MAGI3: variants seen among roughly 807,000 people sequenced by gnomAD.
MAGI3 encodes the protein membrane-associated guanylate kinase, WW and PDZ domain-containing protein 3.
A neutral mutation model predicts 121.8 loss-of-function variants in MAGI3; 43 were observed. The ratio of observed to expected loss-of-function variants is 0.35; its 90% CI spans 0.28 to 0.46. MAGI3 has a LOEUF of 0.46. MAGI3 is among the 20% of genes least tolerant of loss of function. The probability of loss-of-function intolerance (pLI) is 1.00; values close to 1 mark genes in which losing one functional copy is unlikely to be tolerated. For missense variants in MAGI3, 1,547 were observed against 1,797.3 expected (o/e 0.86, Z 2.52); for synonymous variants, 553 against 639.3 (o/e 0.86, Z 2.04).
chr1:113,460,242 C>G (rs1428381336), intron 1 of MAGI3, among the ~76,000 whole-genome samples: 2 of 152,116 alleles, frequency 1.3e-5, no homozygotes, highest in Admixed American at 1.3e-4. Flanking sequence ...AAAAAACTCT[C>G]AATAAACTAG....
intron 1 of MAGI3, among the ~76,000 whole-genome samples, chr1:113,524,781 C>A (rs763638614): frequency 6.6e-6 from 1 of 152,014 alleles, no homozygotes; most frequent in Non-Finnish European, 1.5e-5. Context: ...TGTTAGAAGA[C>A]ATGATTGGTT....
intron 15 of MAGI3, among the ~76,000 whole-genome samples, chr1:113,654,282 G>A (rs1283711232): frequency 6.6e-6 from 1 of 152,188 alleles, no homozygotes; most frequent in Non-Finnish European, 1.5e-5. Flanking sequence ...ACTGAAGACA[G>A]TATGTCATAG....
intron 5 of MAGI3, 90 bp from the exon 6 acceptor site, chr1:113,594,391 C>CAT (rs3834733): frequency 0.74 from 692,195 of 941,218 alleles, 259,571 homozygotes; most frequent in African/African-American, 0.78. Flanking sequence ...GTTCAAACAT[C>CAT]ATGTCTTTTA....
chr1:113,628,641 G>A (rs561602085), intron 9 of MAGI3, among the ~76,000 whole-genome samples: 3 of 152,190 alleles, frequency 2.0e-5, no homozygotes, highest in East Asian at 3.9e-4. Context: ...TGTCTGGAAG[G>A]TCTTTATTTC....
chr1:113,612,872 A>G (rs940565966), intron 6 of MAGI3, among the ~76,000 whole-genome samples: 11 of 152,198 alleles, frequency 7.2e-5, no homozygotes, highest in Non-Finnish European at 1.2e-4. Flanking sequence ...TTTTTCAGAT[A>G]TCAAATGGAC....
chr1:113,415,002 A>T (rs1368923721), intron 1 of MAGI3, among the ~76,000 whole-genome samples: 3 of 152,072 alleles, frequency 2.0e-5, no homozygotes, highest in Non-Finnish European at 4.4e-5. Flanking sequence ...ATGAGATGAC[A>T]TTATTATCAT....
chr1:113,564,824 GTTAT>G lies in MAGI3; in HGVS notation c.433+15212_433+15215del, dbSNP rs961791147. Among the ~76,000 whole-genome samples, 40 of 151,944 alleles carry G rather than the reference GTTAT, an allele frequency of 2.6e-4. No homozygotes were observed. The Middle Eastern group carries it at 0.01, about 39-fold the overall frequency. ...TGAATTTTTCATACCTAAAATTGTA[GTTAT>G]TTATTTATTTATTTATTTTTGATTT... On this transcript the variant is annotated intron_variant, in intron 2 of 20. Coordinates refer to ENST00000307546, the MANE Select transcript of MAGI3 (RefSeq NM_001142782.2).
At chr1:113,669,650 C>G (rs1647404279) in intron 16 of MAGI3, among the ~76,000 whole-genome samples, 1 of 152,218 alleles carries the variant, frequency 6.6e-6, no homozygotes, top group Admixed American at 6.5e-5. Context: ...CTGCCTCAGC[C>G]TCCCAAGTAG....
chr1:113,464,704 A>G (rs1455036752), intron 1 of MAGI3, among the ~76,000 whole-genome samples: 1 of 152,100 alleles, frequency 6.6e-6, no homozygotes, highest in East Asian at 1.9e-4. Flanking sequence ...CTAGGGTGAG[A>G]TGGTATCTCA....
chr1:113,525,924 C>T (rs1658426919), intron 1 of MAGI3, among the ~76,000 whole-genome samples: 1 of 152,060 alleles, frequency 6.6e-6, no homozygotes, highest in Admixed American at 6.6e-5. Context: ...ATCGCTTGAA[C>T]TTGGGAGGCG....
intron 4 of MAGI3, among the ~76,000 whole-genome samples, chr1:113,589,627 G>A (rs576200808): frequency 6.6e-6 from 1 of 152,116 alleles, no homozygotes; most frequent in African/African-American, 2.4e-5. Flanking sequence ...ATAAAGAATG[G>A]TTGGAGTTGA....
chr1:113,488,285 A>G (rs1332784900), intron 1 of MAGI3, among the ~76,000 whole-genome samples: 1 of 152,240 alleles, frequency 6.6e-6, no homozygotes, highest in Non-Finnish European at 1.5e-5. Context: ...GTAGTGGTGC[A>G]TGGCCAGGGA....
intron 14 of MAGI3, among the ~76,000 whole-genome samples, chr1:113,653,052 G>A (rs1376036479): frequency 6.6e-6 from 1 of 152,174 alleles, no homozygotes; most frequent in Non-Finnish European, 1.5e-5. Flanking sequence ...TCAGGAAACT[G>A]CAGTTGCAAA....
At chr1:113,464,525 G>T (rs11102640) in intron 1 of MAGI3, among the ~76,000 whole-genome samples, 27,131 of 152,024 alleles carry the variant, frequency 0.18, 3,148 homozygotes, top group East Asian at 0.63. Context: ...GTAGTGGAAT[G>T]GCTTGATCAT....
chr1:113,508,498 G>C (rs1288752049), intron 1 of MAGI3, among the ~76,000 whole-genome samples: 1 of 152,182 alleles, frequency 6.6e-6, no homozygotes, highest in African/African-American at 2.4e-5. Flanking sequence ...AACTCACCTT[G>C]TGTAGTTGAA....
At chr1:113,452,880 C>A (rs999534049) in intron 1 of MAGI3, among the ~76,000 whole-genome samples, 2 of 152,094 alleles carry the variant, frequency 1.3e-5, no homozygotes, top group Non-Finnish European at 2.9e-5. Context: ...GAGGTTTTTT[C>A]TTCCTTCAGT....
chr1:113,496,064 C>G (rs887092454), intron 1 of MAGI3, among the ~76,000 whole-genome samples: 1 of 152,042 alleles, frequency 6.6e-6, no homozygotes, highest in African/African-American at 2.4e-5. Context: ...TTTCTGTGAG[C>G]TTTTTGTTTA....
chr1:113,563,863 C>T (rs897321321), intron 2 of MAGI3, among the ~76,000 whole-genome samples: 3 of 152,178 alleles, frequency 2.0e-5, no homozygotes, highest in African/African-American at 7.2e-5. Context: ...TAGCTCTGTC[C>T]TCAGGCAACC....
intron 1 of MAGI3, among the ~76,000 whole-genome samples, chr1:113,465,120 CT>C (rs1047137470): frequency 1.8e-4 from 27 of 151,742 alleles, no homozygotes; most frequent in African/African-American, 6.5e-4. Flanking sequence ...AGTAGTTTTT[CT>C]TCAGTTGTTC....
Sources: gnomAD v4.1 joint callset for allele counts (sites outside exome capture counted in the v4.1 genomes callset) on GRCh38, gnomAD v4.1.1 for gene constraint, MANE v1.5 for transcripts, NCBI Gene and HGNC (gene_info 2026-07-23, HGNC 2026-07-21) for gene names.